Variants in APOB observed in about 807,000 individuals in gnomAD.
APOB encodes apolipoprotein B, also known as apolipoprotein B-100.
In APOB, 153 loss-of-function variants were observed where a neutral mutation model predicts 314.1. The observed-to-expected ratio is 0.49, with a 90% CI of 0.43 to 0.56. The LOEUF is 0.56. APOB is among the 20% of genes least tolerant of loss of function. APOB has a pLI of 0.00. For synonymous variants in APOB, 2,087 were observed against 2,036.4 expected (o/e 1.02, Z -0.67); for missense variants, 5,430 against 5,350.7 (o/e 1.01, Z -0.46).
Position 21,007,343 on chromosome 2 carries a change from A to G in APOB, c.9525T>C (p.Ala3175=). 1.2e-6 allele frequency: 2 copies of G among 1,614,010 alleles called. No homozygotes were observed. The highest frequency in any genetic ancestry group is 2.2e-5 in the South Asian group (2 of 91,076). The stretch of plus-strand genomic sequence containing the variant: ...GCCTGTGTTTGTTTTTCTTATACTG[A>G]GCTTTTACACTTAAATCAAATGATT... ...TKQSFDLSVK[A]QYKKNKHRHS... The change falls in exon 26 of 29, where the codon GCT becomes GCC. Residue 3175 remains alanine (A), a synonymous_variant. Coordinates refer to ENST00000233242, the MANE Select transcript of APOB (RefSeq NM_000384.3).
rs1369033916 is a variant in APOB, at chr2:21,006,219, A to T, written c.10649T>A (p.Phe3550Tyr). 1 of 1,613,918 alleles carries T rather than the reference A, an allele frequency of 6.2e-7. No homozygotes were observed. Among genetic ancestry groups the T allele is most frequent in the East Asian group, 2.2e-5 (1 of 44,894 alleles). Residue 3550 changes from phenylalanine to tyrosine, a missense_variant, in exon 26 of 29, where the codon TTT (phenylalanine) becomes TAT (tyrosine). Physicochemically the swap from Phe to Tyr is conservative, Grantham distance 22. Coordinates refer to ENST00000233242, the MANE Select transcript of APOB (RefSeq NM_000384.3). The stretch of plus-strand genomic sequence containing the variant: ...GCGTTGGAGTGTGGCTTCTCCAGCA[A>T]AATTTTCTTTTACTTCAAGGTTCCA... ...DIWNLEVKEN[F>Y]AGEATLQRIY...
chr2:21,038,334 C>CT (rs977541252), intron 4 of APOB, among the ~76,000 whole-genome samples: 1 of 149,744 alleles, frequency 6.7e-6, no homozygotes, highest in Non-Finnish European at 1.5e-5. Context: ...TTCTTTTTTT[C>CT]TTTTTTCTTT....
intron 26 of APOB, 49 bp downstream of exon 26, chr2:21,005,031 C>G (rs768672326): frequency 6.3e-7 from 1 of 1,599,602 alleles, no homozygotes; most frequent in African/African-American, 1.3e-5. Flanking sequence ...ACTCATAACT[C>G]TCATTGAAAA....
rs1461980758 is a variant in APOB, at chr2:21,015,386, C to T, written c.3492G>A (p.Arg1164=). 3 of 1,614,172 alleles carry T rather than the reference C, an allele frequency of 1.9e-6. No individual in the cohort carries two copies. The highest frequency in any genetic ancestry group is 1.1e-5 in the South Asian group (1 of 91,082). ...GACACATACCATAATGCCATGCCAC[C>T]CTCTTGGAAACTGTGGAGCCATAAG... ...ATAYGSTVSK[R]VAWHYDEEKI... Residue 1164 remains arginine (R), a synonymous_variant, in exon 22 of 29, where the codon AGG becomes AGA. Coordinates refer to ENST00000233242, the MANE Select transcript of APOB (RefSeq NM_000384.3).
intron 10 of APOB, among the ~76,000 whole-genome samples, chr2:21,030,654 G>A (rs1240929045): frequency 6.6e-6 from 1 of 152,098 alleles, no homozygotes; most frequent in Non-Finnish European, 1.5e-5. Context: ...ATAATCAACA[G>A]GGTGGTAACC....
intron 2 of APOB, 48 bp downstream of exon 2, chr2:21,043,465 G>A: frequency 6.4e-7 from 1 of 1,573,506 alleles, no homozygotes; most frequent in Non-Finnish European, 8.6e-7. Context: ...GTGTAGGAGA[G>A]TGCACGGGGC....
At chr2:21,016,990 T>A (rs74410908) in intron 20 of APOB, among the ~76,000 whole-genome samples, 74,789 of 139,010 alleles carry the variant, frequency 0.54, 19,953 homozygotes, top group African/African-American at 0.64. Flanking sequence ...TCTCAAAAAA[T>A]AAATAAATAA....
rs146152405 is a variant in APOB, at chr2:21,037,152, C to T, written c.641G>A (p.Arg214His). 1.1e-4 allele frequency: 176 copies of T among 1,614,182 alleles called. No individual in the cohort carries two copies. In the African/African-American group the frequency reaches 1.9e-3, roughly 17 times the overall value. ...GATGCCTGTGCGGATGGGCTTGAAGCGATCACACTGCCCCAGGTCTCTTTC... is the reference window on the plus strand; with the variant it reads ...GATGCCTGTGCGGATGGGCTTGAAGTGATCACACTGCCCCAGGTCTCTTTC... Reference protein sequence around the residue: ...STERDLGQCDRFKPIRTGISP... With the variant: ...STERDLGQCDHFKPIRTGISP... Residue 214 changes from arginine to histidine, a missense_variant, in exon 6 of 29, where the codon CGC becomes CAC. Around this residue, in one of 3 missense-constraint regions of APOB, gnomAD observed 2,085 missense variants for 2,079.7 expected, o/e 1.00. Transcript: ENST00000233242.
Position 21,011,610 on chromosome 2 carries a change from T to C in APOB, c.5258A>G (p.His1753Arg), listed in dbSNP as rs1350184136. The part of the protein sequence containing the change: ...MGSYAEMKFD[H>R]TNSLNIAGLS... ...GCCTGCAATGTTCAGACTGTTTGTG[T>C]GGTCAAATTTCATTTCAGCATATGA... The change falls in exon 26 of 29, where the codon CAC becomes CGC. Residue 1753 changes from histidine (H) to arginine (R), a missense_variant. This residue lies in a region of APOB where 64 missense variants were observed against 99.9 expected (regional missense o/e 0.64). Coordinates refer to ENST00000233242, the MANE Select transcript of APOB (RefSeq NM_000384.3). 1 of 1,614,226 alleles carries C rather than the reference T, an allele frequency of 6.2e-7. No individual in the cohort carries two copies. The highest frequency in any genetic ancestry group is 8.5e-7 in the Non-Finnish European group (1 of 1,180,026).
intron 12 of APOB, among the ~76,000 whole-genome samples, chr2:21,028,845 G>A (rs1231363840): frequency 6.6e-6 from 1 of 152,200 alleles, no homozygotes; most frequent in Non-Finnish European, 1.5e-5. Flanking sequence ...TTTAACGTAA[G>A]TTATTTTAAT....
chr2:21,004,471 A>T lies in APOB; in HGVS notation c.11904-19T>A, dbSNP rs1168624516. The T allele has an allele frequency of 1.2e-6, 2 of 1,613,842 alleles. No homozygotes were observed. Among genetic ancestry groups the T allele is most frequent in the Non-Finnish European group, 1.7e-6 (2 of 1,179,866 alleles). On this transcript the variant is annotated intron_variant, in intron 27 of 28. Coordinates refer to ENST00000233242, the MANE Select transcript of APOB (RefSeq NM_000384.3). ...CCATTCCCTGAAAGCAGAAAAACAG[A>T]TGAGCTATCACGAAAGGGGTATGGA...
intron 21 of APOB, 81 bp downstream of exon 21, chr2:21,016,358 C>T (rs1663463234): frequency 1.3e-6 from 1 of 778,734 alleles, no homozygotes; most frequent in Admixed American, 1.9e-5. Context: ...ATGGCTTGGT[C>T]AGGTATGAAG....
intron 3 of APOB, 28 bp from the exon 4 acceptor site, chr2:21,041,111 A>G (rs756396739): frequency 6.2e-7 from 1 of 1,606,112 alleles, no homozygotes; most frequent in East Asian, 2.2e-5. Context: ...CAGAGCATTG[A>G]GGTTGTCTAT....
At position 21,001,816 on chromosome 2, in the gene APOB, T is replaced by C; in HGVS notation, c.13606A>G (p.Thr4536Ala). The C allele has an allele frequency of 6.2e-7, 1 of 1,614,098 alleles. No individual in the cohort carries two copies. Among genetic ancestry groups the C allele is most frequent in the African/African-American group, 1.3e-5 (1 of 75,052 alleles). Reference protein sequence around the residue: ...QNYHTFLIYITELLKKLQSTT... With the variant: ...QNYHTFLIYIAELLKKLQSTT... ...GATTGCAGCTTTTTCAGTAACTCCG[T>C]GATGTATATCAGAAATGTGTGGTAG... The change falls in exon 29 of 29, where the codon ACG becomes GCG. Residue 4536 changes from threonine to alanine, a missense_variant. By Grantham distance (58) the Thr-to-Ala change is moderately conservative (BLOSUM62 0). Coordinates refer to ENST00000233242, the MANE Select transcript of APOB (RefSeq NM_000384.3).
At position 21,006,767 on chromosome 2, in the gene APOB, A is replaced by G. The variant is rs768441244; in HGVS notation, c.10101T>C (p.Leu3367=). 1.2e-6 allele frequency: 2 copies of G among 1,614,002 alleles called. No individual in the cohort carries two copies. Among genetic ancestry groups the G allele is most frequent in the Admixed American group, 1.7e-5 (1 of 60,000 alleles). The change falls in exon 26 of 29, where the codon CTT becomes CTC. Residue 3367 remains leucine, a synonymous_variant. Transcript: ENST00000233242. Reference sequence around the variant, plus strand: ...CATCAATGACAGATGAAGATGAAGAAAGGAGATGAGCAACAATATCTGACT... The same window carrying G: ...CATCAATGACAGATGAAGATGAAGAGAGGAGATGAGCAACAATATCTGACT... ...FNQSDIVAHL[L]SSSSSVIDAL... is the part of the protein sequence containing the mutation.
In APOB at chr2:21,012,165, A is replaced by C; in HGVS notation, c.4703T>G (p.Leu1568Arg). Reference sequence around the variant, plus strand: ...CCCATTGGTGTCAGATTTTAAAGTCAGCTCGTAGTTCTCATACTTTAGGGA... The same window carrying C: ...CCCATTGGTGTCAGATTTTAAAGTCCGCTCGTAGTTCTCATACTTTAGGGA... ...TASLKYENYE[L>R]TLKSDTNGKY... The change falls in exon 26 of 29, where the codon CTG (leucine) becomes CGG (arginine). Residue 1568 changes from leucine (L) to arginine (R), a missense_variant. Around this residue, in one of 3 missense-constraint regions of APOB, gnomAD observed 2,085 missense variants for 2,079.7 expected, o/e 1.00. Transcript: ENST00000233242. The C allele has an allele frequency of 6.2e-7, 1 of 1,601,222 alleles. No homozygotes were observed.
intron 20 of APOB, among the ~76,000 whole-genome samples, chr2:21,017,002 T>TAAATAAACAAAC (rs1663493241): frequency 6.0e-5 from 8 of 134,430 alleles, no homozygotes; most frequent in Admixed American, 7.9e-5. Context: ...AATAAATAAA[T>TAAATAAACAAAC]AAATAAATAA....
At chr2:21,017,504 C>T (rs12720814) in intron 20 of APOB, among the ~76,000 whole-genome samples, 1,990 of 152,238 alleles carry the variant, frequency 0.013, 59 homozygotes, top group African/African-American at 0.045. Context: ...GAGGTTGGAG[C>T]CACGCTGAGT....
In APOB at chr2:21,005,964, T is replaced by G; in HGVS notation, c.10904A>C (p.Asn3635Thr). 6.2e-7 allele frequency: 1 copy of G among 1,613,830 alleles called. No individual in the cohort carries two copies. Among genetic ancestry groups the G allele is most frequent in the Middle Eastern group, 1.7e-4 (1 of 6,060 alleles). The change falls in exon 26 of 29, where the codon AAT becomes ACT. Residue 3635 changes from asparagine to threonine, a missense_variant. Coordinates refer to ENST00000233242, the MANE Select transcript of APOB (RefSeq NM_000384.3). Reference protein sequence around the residue: ...NTKNQKIRWKNEVRIHSGSFQ... With the variant: ...NTKNQKIRWKTEVRIHSGSFQ... The stretch of plus-strand genomic sequence containing the variant: ...AGACCCAGAATGAATCCGGACTTCA[T>G]TTTTCCATCTGATCTTCTGGTTCTT...
Sources: gnomAD v4.1 joint callset for allele counts (sites outside exome capture counted in the v4.1 genomes callset) on GRCh38, gnomAD v4.1.1 for gene constraint, gnomAD v4.1.1 regional missense constraint, MANE v1.5 for transcripts, NCBI Gene and HGNC (gene_info 2026-07-23, HGNC 2026-07-21) for gene names.